The following HECW1 variants were observed in gnomAD, a reference collection of about 807,000 sequenced individuals.
HECW1 encodes the protein E3 ubiquitin-protein ligase HECW1.
A neutral mutation model predicts 182.3 loss-of-function variants in HECW1; 61 were observed. The ratio of observed to expected loss-of-function variants is 0.33; its 90% CI spans 0.27 to 0.41. The LOEUF is 0.41. Among genes scored for constraint, HECW1 ranks in the 10% least tolerant of loss-of-function variants. The pLI is 1.00. For missense variants in HECW1, 1,739 were observed against 2,108.9 expected (o/e 0.82, Z 3.44); for synonymous variants, 859 against 832.6 (o/e 1.03, Z -0.55).
intron 16 of HECW1, among the ~76,000 whole-genome samples, chr7:43,474,322 G>A (rs2078139081): frequency 6.6e-6 from 1 of 152,086 alleles, no homozygotes; most frequent in Non-Finnish European, 1.5e-5. Flanking sequence ...GGTGGCGGGT[G>A]CCTGTAGTCC....
intron 8 of HECW1, among the ~76,000 whole-genome samples, chr7:43,433,679 C>T (rs1435599880): frequency 6.6e-6 from 1 of 152,172 alleles, no homozygotes; most frequent in African/African-American, 2.4e-5. Context: ...ACAGTTCAGT[C>T]CTAAAGTGAA....
At position 43,311,829 on chromosome 7, in the gene HECW1, C is replaced by T; in HGVS notation, c.94C>T (p.Arg32Ter). ...GTCTCCTTCTAGAAACTCCCAGAGC[C>T]GACGCCGGTGCAAGGAGCCGCTCCG... is the stretch of plus-strand genomic sequence containing the variant. ...MASPSRNSQS[R>*]RRCKEPLRYS... is the part of the protein sequence containing the mutation. The change falls in exon 4 of 30, where the codon CGA (arginine) becomes TGA (stop). Residue 32 changes from arginine (R) to a stop codon, truncating the protein, a stop_gained. Coordinates refer to ENST00000395891, the MANE Select transcript of HECW1 (RefSeq NM_015052.5). LOFTEE classifies it high-confidence loss of function. The T allele has an allele frequency of 3.7e-6, 6 of 1,614,152 alleles. 1 individual carries two copies. Among genetic ancestry groups the T allele is most frequent in the Non-Finnish European group, 1.7e-6 (2 of 1,179,998 alleles).
chr7:43,239,317 T>C (rs183439403), intron 2 of HECW1: 1 of 152,360 alleles, frequency 6.6e-6, no homozygotes, highest in Admixed American at 6.5e-5. Context: ...CTTCAAAATA[T>C]GTGCAACTGA....
intron 2 of HECW1, among the ~76,000 whole-genome samples, chr7:43,189,803 T>A (rs934571844): frequency 6.6e-6 from 1 of 152,216 alleles, no homozygotes; most frequent in African/African-American, 2.4e-5. Context: ...TTAACCAAAC[T>A]TTAAGTAGAT....
At chr7:43,405,191 A>G (rs1374566946) in intron 7 of HECW1, among the ~76,000 whole-genome samples, 1 of 152,206 alleles carries the variant, frequency 6.6e-6, no homozygotes, top group East Asian at 1.9e-4. Flanking sequence ...AATTTAGTAG[A>G]TAACAAATAA....
At chr7:43,259,588 G>A (rs942974090) in intron 3 of HECW1, among the ~76,000 whole-genome samples, 2 of 152,112 alleles carry the variant, frequency 1.3e-5, no homozygotes, top group African/African-American at 2.4e-5. Flanking sequence ...TGGCCAGAAT[G>A]AATAAATAGT....
At chr7:43,293,481 C>T (rs1191829901) in intron 3 of HECW1, among the ~76,000 whole-genome samples, 2 of 152,114 alleles carry the variant, frequency 1.3e-5, no homozygotes, top group Non-Finnish European at 2.9e-5. Context: ...GCCTCTGGTC[C>T]TTTTGTTACT....
At chr7:43,472,317 C>T (rs996452638) in intron 16 of HECW1, among the ~76,000 whole-genome samples, 2 of 152,240 alleles carry the variant, frequency 1.3e-5, no homozygotes, top group Admixed American at 1.3e-4. Flanking sequence ...AATACCACGA[C>T]CTTCCCTGAC....
At chr7:43,225,762 A>G (rs981475738) in intron 2 of HECW1, among the ~76,000 whole-genome samples, 2 of 152,164 alleles carry the variant, frequency 1.3e-5, no homozygotes, top group African/African-American at 4.8e-5. Flanking sequence ...GAATCTACAT[A>G]GGATGCCATG....
rs529109893 is a variant in HECW1 at position 43,319,393 on chromosome 7, C to CA, written c.353-1226dup. 8.1e-3 allele frequency among the ~76,000 whole-genome samples: 547 copies of CA among 67,672 alleles called. 46 individuals carry two copies. In the East Asian group the frequency reaches 0.089, roughly 11 times the overall value. 44.4% of individuals were successfully genotyped at this position (67,672 alleles called of 152,430 possible). A position where few individuals can be genotyped will look rare whatever the true frequency, so the allele number is the denominator to read the frequency against. On this transcript the variant is annotated intron_variant, in intron 4 of 29. Coordinates refer to ENST00000395891, the MANE Select transcript of HECW1 (RefSeq NM_015052.5). The stretch of plus-strand genomic sequence containing the variant: ...TGGGCGACAGAGCGAGACTCCGTCT[C>CA]AAAAAAAAAAAAAAAAGAGAGAACA...
At chr7:43,117,197 G>A (rs1207184841) in intron 2 of HECW1, among the ~76,000 whole-genome samples, 3 of 152,148 alleles carry the variant, frequency 2.0e-5, no homozygotes, top group East Asian at 1.9e-4. Flanking sequence ...AGAATTTGGG[G>A]GTTTAATAGC....
intron 7 of HECW1, among the ~76,000 whole-genome samples, chr7:43,400,530 AAAAG>A (rs2075370972): frequency 6.6e-6 from 1 of 152,212 alleles, no homozygotes; most frequent in South Asian, 2.1e-4. Flanking sequence ...ACTCAAGAGA[AAAAG>A]AAACTATTCT....
chr7:43,329,417 T>C (rs17653815), intron 5 of HECW1, among the ~76,000 whole-genome samples: 28,348 of 151,678 alleles, frequency 0.19, 3,373 homozygotes, highest in Non-Finnish European at 0.27. Context: ...TATTAGAGGC[T>C]TGAGACCACC....
rs1348876786 is a variant in HECW1 at position 43,563,993 on chromosome 7, T to C, written c.*2067T>C. 12 of 189,094 alleles carry C rather than the reference T, an allele frequency of 6.3e-5. No homozygotes were observed. In the East Asian group the frequency reaches 9.3e-4, roughly 15 times the overall value. 11.7% of individuals were successfully genotyped at this position (189,094 alleles called of 1,614,324 possible). On this transcript the variant is annotated 3_prime_UTR_variant, in exon 30 of 30. Transcript: ENST00000395891. The stretch of plus-strand genomic sequence containing the variant: ...TACATTATAGAAATTTAGACTTTTA[T>C]TGTCTAAAAAGAATATTTACTGAGA...
chr7:43,318,693 G>T (rs1055234130), intron 4 of HECW1, among the ~76,000 whole-genome samples: 3 of 152,218 alleles, frequency 2.0e-5, no homozygotes, highest in African/African-American at 7.2e-5. Flanking sequence ...AGTGCTTTTT[G>T]CACTTCATCT....
chr7:43,287,659 T>G (rs1804833573), intron 3 of HECW1, among the ~76,000 whole-genome samples: 1 of 152,058 alleles, frequency 6.6e-6, no homozygotes, highest in Non-Finnish European at 1.5e-5. Flanking sequence ...TTTTTAAAGG[T>G]TTCTCTGGCT....
rs529106363 is a variant in HECW1 at position 43,449,277 on chromosome 7, C to T, written c.2399-1551C>T. Among the ~76,000 whole-genome samples, 11 of 152,334 alleles carry T rather than the reference C, an allele frequency of 7.2e-5. 1 individual carries two copies. The South Asian group carries it at 2.3e-3, about 32-fold the overall frequency. On this transcript the variant is annotated intron_variant, in intron 11 of 29. Coordinates refer to ENST00000395891, the MANE Select transcript of HECW1 (RefSeq NM_015052.5). ...TTAAACACAGAGCCCATCTTTGGAA[C>T]AGCAGTCTGTCCACAATGAACTGGG...
chr7:43,468,814 G>A, intron 15 of HECW1, 106 bp from the exon 16 acceptor site: 1 of 966,616 alleles, frequency 1.0e-6, no homozygotes, highest in South Asian at 1.6e-5. Context: ...ACAATAAACT[G>A]CTGTGTCACA....
At position 43,240,179 on chromosome 7, in the gene HECW1, A is replaced by G. The variant is rs191668320; in HGVS notation, c.-31-3696A>G. ...GACACGGTGAAACCCCATCTCTACT[A>G]AAAATACAAAAAGCCAGGCATGGTG... is the stretch of plus-strand genomic sequence containing the variant. On this transcript the variant is annotated intron_variant, in intron 2 of 29. Coordinates refer to ENST00000395891, the MANE Select transcript of HECW1 (RefSeq NM_015052.5). Among the ~76,000 whole-genome samples the G allele has an allele frequency of 2.6e-4, 39 of 152,196 alleles. No individual in the cohort carries two copies. In the East Asian group the frequency reaches 7.2e-3, roughly 28 times the overall value.
Sources: gnomAD v4.1 joint callset for allele counts (sites outside exome capture counted in the v4.1 genomes callset) on GRCh38, gnomAD v4.1.1 for gene constraint, MANE v1.5 for transcripts, NCBI Gene and HGNC (gene_info 2026-07-23, HGNC 2026-07-21) for gene names.